Variants in SEMA5A observed in about 807,000 individuals in gnomAD.
The protein encoded by SEMA5A is semaphorin-5A.
SEMA5A carries 55 observed loss-of-function variants against 135.5 expected under a neutral mutation model. The observed-to-expected ratio is 0.41, with a 90% CI of 0.33 to 0.51. The LOEUF (loss-of-function observed/expected upper bound fraction) is 0.51. Among genes scored for constraint, SEMA5A ranks in the 20% least tolerant of loss-of-function variants. The pLI, the probability that SEMA5A is intolerant of heterozygous loss-of-function variation, is 0.37. For synonymous variants in SEMA5A, 580 were observed against 546.5 expected (o/e 1.06, Z -0.85); for missense variants, 1,290 against 1,419.9 (o/e 0.91, Z 1.47).
intron 2 of SEMA5A, among the ~76,000 whole-genome samples, chr5:9,412,545 A>G (rs919773733): frequency 3.6e-5 from 5 of 139,318 alleles, no homozygotes; most frequent in East Asian, 4.2e-4. Flanking sequence ...CAGGCTAAGA[A>G]TCTCTTATCT....
Position 9,511,084 on chromosome 5 carries a change from T to A in SEMA5A, c.-175+34500A>T, listed in dbSNP as rs116346391. ...AGAAATTTTCTGAATTTTCCAGTAG[T>A]CATTAATGGCTCTTTAATTCATATA... On this transcript the variant is annotated intron_variant, in intron 1 of 22. Transcript: ENST00000382496. 8.5e-3 allele frequency among the ~76,000 whole-genome samples: 1,293 copies of A among 152,316 alleles called. 6 individuals are homozygous for A. The highest frequency in any genetic ancestry group is 0.017 in the South Asian group (83 of 4,826).
intron 3 of SEMA5A, among the ~76,000 whole-genome samples, chr5:9,371,764 C>T (rs1755146594): frequency 3.9e-5 from 6 of 152,132 alleles, no homozygotes; most frequent in Admixed American, 3.9e-4. Flanking sequence ...GGATCCATAA[C>T]AGCACGTTTC....
intron 5 of SEMA5A, among the ~76,000 whole-genome samples, chr5:9,303,202 C>T (rs1244668394): frequency 7.9e-5 from 12 of 151,518 alleles, no homozygotes; most frequent in African/African-American, 2.9e-4. Context: ...CTGCAATCTC[C>T]GCCTCCTAGG....
intron 12 of SEMA5A, among the ~76,000 whole-genome samples, chr5:9,140,875 G>A (rs1433291625): frequency 1.3e-5 from 2 of 152,184 alleles, no homozygotes; most frequent in East Asian, 1.9e-4. Flanking sequence ...GGCTCCTCAC[G>A]TTTACCCCAG....
chr5:9,291,864 G>T (rs557601538), intron 5 of SEMA5A, among the ~76,000 whole-genome samples: 1 of 147,718 alleles, frequency 6.8e-6, no homozygotes, highest in East Asian at 2.0e-4. Flanking sequence ...ACTATGTTTT[G>T]TGGTGCTGAT....
chr5:9,515,435 C>T (rs1485825368), intron 1 of SEMA5A, among the ~76,000 whole-genome samples: 7 of 152,090 alleles, frequency 4.6e-5, no homozygotes, highest in Non-Finnish European at 7.3e-5. Flanking sequence ...CTTAATTTGA[C>T]GTTAAGAAAT....
chr5:9,043,326 T>C (rs1736064419), intron 22 of SEMA5A: 1 of 251,898 alleles, frequency 4.0e-6, no homozygotes, highest in Non-Finnish European at 7.6e-6. Context: ...ACTATAATGA[T>C]TTCAAATTAA....
chr5:9,062,020 A>T (rs1737208524), intron 18 of SEMA5A, among the ~76,000 whole-genome samples: 3 of 152,128 alleles, frequency 2.0e-5, no homozygotes, highest in African/African-American at 7.2e-5. Flanking sequence ...GAAGGAGCTG[A>T]TGGTCACTCC....
chr5:9,400,501 AT>A lies in SEMA5A; in HGVS notation c.-77-20479del, dbSNP rs1215358817. Among the ~76,000 whole-genome samples, 812 of 86,984 alleles carry A rather than the reference AT, an allele frequency of 9.3e-3. 5 individuals are homozygous for A. Among genetic ancestry groups the A allele is most frequent in the African/African-American group, 0.017 (337 of 19,660 alleles). 57.1% of individuals were successfully genotyped at this position (86,984 alleles called of 152,430 possible). On this transcript the variant is annotated intron_variant, in intron 2 of 22. Coordinates refer to ENST00000382496, the MANE Select transcript of SEMA5A (RefSeq NM_003966.3). Reference sequence around the variant, plus strand: ...CTTCAATAGTTTGAACACAATGTACATTTTTTTTTTTTTTTTTTTTTTTGAG... The same window carrying A: ...CTTCAATAGTTTGAACACAATGTACATTTTTTTTTTTTTTTTTTTTTTGAG...
In SEMA5A at chr5:9,036,033, T is replaced by G. The variant is rs371056475; in HGVS notation, c.*6864A>C. 6.7e-6 allele frequency: 1 copy of G among 150,010 alleles called. No homozygotes were observed. Among genetic ancestry groups the G allele is most frequent in the Non-Finnish European group, 1.5e-5 (1 of 67,794 alleles). The allele number at this position is 150,010 out of a possible 1,614,324, so 9.3% of individuals were successfully genotyped here. A position where few individuals can be genotyped will look rare whatever the true frequency, so the allele number is the denominator to read the frequency against. ...CAGCCAACAGCAAATTAACGCAGAA[T>G]GAGGCATTTAACATTTGATAACATC... On this transcript the variant is annotated 3_prime_UTR_variant, in exon 23 of 23. Transcript: ENST00000382496.
chr5:9,142,077 C>T (rs1401721376), intron 12 of SEMA5A, among the ~76,000 whole-genome samples: 1 of 152,206 alleles, frequency 6.6e-6, no homozygotes, highest in Non-Finnish European at 1.5e-5. Flanking sequence ...GACACTGTCA[C>T]TGAGCTCCAA....
chr5:9,198,142 G>A (rs1446704902), intron 9 of SEMA5A, among the ~76,000 whole-genome samples: 2 of 152,090 alleles, frequency 1.3e-5, no homozygotes, highest in African/African-American at 2.4e-5. Context: ...ATTTTCTCTT[G>A]CTCTGAGACA....
intron 11 of SEMA5A, among the ~76,000 whole-genome samples, chr5:9,184,218 A>C (rs1437513124): frequency 6.6e-6 from 1 of 151,284 alleles, no homozygotes; most frequent in African/African-American, 2.4e-5. Flanking sequence ...ATACAGCTGC[A>C]GAGTATCCTG....
intron 2 of SEMA5A, among the ~76,000 whole-genome samples, chr5:9,404,053 G>A (rs1341201132): frequency 6.6e-6 from 1 of 152,142 alleles, no homozygotes; most frequent in Non-Finnish European, 1.5e-5. Context: ...TCCCGCCTCA[G>A]TCTCCCCAGT....
chr5:9,127,109 C>G (rs1388461369), intron 13 of SEMA5A, among the ~76,000 whole-genome samples: 1 of 152,138 alleles, frequency 6.6e-6, no homozygotes, highest in Non-Finnish European at 1.5e-5. Flanking sequence ...TGGCATTGGT[C>G]TCTGTGTTAT....
At chr5:9,450,451 A>T (rs1482474737) in intron 1 of SEMA5A, among the ~76,000 whole-genome samples, 1 of 152,114 alleles carries the variant, frequency 6.6e-6, no homozygotes, top group Non-Finnish European at 1.5e-5. Flanking sequence ...CTATATAGCA[A>T]TTCTGCAGTC....
intron 2 of SEMA5A, among the ~76,000 whole-genome samples, chr5:9,421,514 G>T (rs389479): frequency 0.81 from 122,825 of 152,138 alleles, 49,906 homozygotes; most frequent in Middle Eastern, 0.85. Flanking sequence ...TATTATATAC[G>T]GGTGTTTTTC....
At chr5:9,432,142 A>C (rs1472720871) in intron 2 of SEMA5A, among the ~76,000 whole-genome samples, 1 of 152,212 alleles carries the variant, frequency 6.6e-6, no homozygotes, top group African/African-American at 2.4e-5. Context: ...TGGTAAGCGG[A>C]GTGAAATGCT....
intron 2 of SEMA5A, among the ~76,000 whole-genome samples, chr5:9,389,171 A>C (rs1756036910): frequency 6.6e-6 from 1 of 152,060 alleles, no homozygotes; most frequent in Admixed American, 6.6e-5. Flanking sequence ...TCTTCCCTGG[A>C]TTCTGTAACT....
Sources: gnomAD v4.1 joint callset for allele counts (sites outside exome capture counted in the v4.1 genomes callset) on GRCh38, gnomAD v4.1.1 for gene constraint, MANE v1.5 for transcripts, NCBI Gene and HGNC (gene_info 2026-07-23, HGNC 2026-07-21) for gene names.